Variants in CSNK1A1 observed in about 807,000 individuals in gnomAD.
CSNK1A1 encodes the protein casein kinase I isoform alpha.
CSNK1A1 carries 7 observed loss-of-function variants against 46.1 expected under a neutral mutation model. That is an observed-to-expected ratio of 0.15 (90% CI 0.09 to 0.29). The LOEUF is 0.29. Among genes scored for constraint, CSNK1A1 ranks in the 10% least tolerant of loss-of-function variants. CSNK1A1 has a pLI of 1.00. For missense variants in CSNK1A1, 96 were observed against 417.1 expected (o/e 0.23, Z 6.71); for synonymous variants, 137 against 141.5 (o/e 0.97, Z 0.23).
chr5:149,499,226 C>A (rs1760746871), intron 9 of CSNK1A1: 2 of 980,890 alleles, frequency 2.0e-6, no homozygotes, highest in Non-Finnish European at 2.4e-6. Flanking sequence ...CTCATCCAGG[C>A]TTCCAAGAGT....
chr5:149,502,950 G>A (rs1006486713), intron 9 of CSNK1A1: 11 of 667,604 alleles, frequency 1.6e-5, no homozygotes, highest in African/African-American at 2.0e-5. Context: ...TGTATTTTTT[G>A]TAGAGATGGG....
At chr5:149,516,471 AT>A (rs200508678) in intron 4 of CSNK1A1, among the ~76,000 whole-genome samples, 9,835 of 145,488 alleles carry the variant, frequency 0.068, 611 homozygotes, top group East Asian at 0.18. Context: ...TACTTGCAGC[AT>A]TTTTTTTTTT....
At chr5:149,537,144 G>C (rs562959772) in intron 2 of CSNK1A1, among the ~76,000 whole-genome samples, 7 of 152,304 alleles carry the variant, frequency 4.6e-5, no homozygotes, top group Middle Eastern at 3.4e-3. Flanking sequence ...GGGAGGCTGA[G>C]GCAGGTGGAT....
intron 9 of CSNK1A1, chr5:149,498,698 A>G (rs1760732071): frequency 1.0e-6 from 1 of 985,380 alleles, no homozygotes; most frequent in Non-Finnish European, 1.2e-6. Flanking sequence ...CACAACTACT[A>G]AAATTGCTGG....
chr5:149,545,468 G>A, intron 2 of CSNK1A1: 1 of 546,928 alleles, frequency 1.8e-6, no homozygotes, highest in Non-Finnish European at 3.3e-6. Flanking sequence ...CTGGGCCTTG[G>A]TTGATCCTTG....
chr5:149,535,123 C>T (rs1294109849), intron 2 of CSNK1A1, among the ~76,000 whole-genome samples: 2 of 152,190 alleles, frequency 1.3e-5, no homozygotes, highest in African/African-American at 4.8e-5. Context: ...CTTTAAGTCT[C>T]ATTTCTTTCC....
chr5:149,521,752 G>A (rs1263366439), intron 3 of CSNK1A1, among the ~76,000 whole-genome samples: 2 of 152,004 alleles, frequency 1.3e-5, no homozygotes, highest in Non-Finnish European at 2.9e-5. Context: ...GAGTAGTTGG[G>A]ATTACAGGCA....
chr5:149,502,876 C>G (rs541115606), intron 9 of CSNK1A1: 3 of 642,280 alleles, frequency 4.7e-6, no homozygotes, highest in Admixed American at 6.4e-5. Flanking sequence ...TCAAGCAATT[C>G]TCCTGCCTCA....
At chr5:149,534,783 T>G (rs943892646) in intron 2 of CSNK1A1, among the ~76,000 whole-genome samples, 1 of 151,414 alleles carries the variant, frequency 6.6e-6, no homozygotes, top group African/African-American at 2.4e-5. Flanking sequence ...AATAAAAAAT[T>G]AGCCAGGCGT....
intron 2 of CSNK1A1, among the ~76,000 whole-genome samples, chr5:149,538,867 A>G (rs1457076786): frequency 6.6e-6 from 1 of 151,992 alleles, no homozygotes; most frequent in Non-Finnish European, 1.5e-5. Context: ...TGTTGCGGTG[A>G]GCCGAGATTG....
chr5:149,528,430 C>T (rs1381084219), intron 2 of CSNK1A1, among the ~76,000 whole-genome samples: 1 of 152,190 alleles, frequency 6.6e-6, no homozygotes, highest in African/African-American at 2.4e-5. Context: ...GAATATATAG[C>T]TTAATTCTCT....
At chr5:149,549,531 G>A (rs1161600285) in intron 2 of CSNK1A1, 7 of 701,744 alleles carry the variant, frequency 1.0e-5, no homozygotes, top group South Asian at 4.4e-5. Context: ...AGGAATCAAG[G>A]AAGCATAATT....
At position 149,551,086 on chromosome 5, in the gene CSNK1A1, G is replaced by T; in HGVS notation, c.-122C>A. ...AGGGCGGCAGGAAACGGAACACGGA[G>T]GCCTTTACCGGGGTTCGGGGCCCAG... On this transcript the variant is annotated 5_prime_UTR_variant, in exon 1 of 10. Transcript: ENST00000377843. 9.4e-7 allele frequency: 1 copy of T among 1,068,858 alleles called. No homozygotes were observed. The highest frequency in any genetic ancestry group is 1.4e-6 in the Non-Finnish European group (1 of 735,418). The allele number at this position is 1,068,858 out of a possible 1,614,324, so 66.2% of individuals were successfully genotyped here. A position where few individuals can be genotyped will look rare whatever the true frequency, so the allele number is the denominator to read the frequency against.
intron 2 of CSNK1A1, among the ~76,000 whole-genome samples, chr5:149,537,637 G>C (rs1762100209): frequency 6.6e-6 from 1 of 151,322 alleles, no homozygotes; most frequent in African/African-American, 2.4e-5. Context: ...CCCCACTCCA[G>C]AATTGGTCAA....
At chr5:149,532,363 G>A (rs144765454) in intron 2 of CSNK1A1, among the ~76,000 whole-genome samples, 1,578 of 150,900 alleles carry the variant, frequency 0.01, 22 homozygotes, top group African/African-American at 0.036. Context: ...TCCAGCCTGG[G>A]CCACAGAGTG....
At chr5:149,543,538 G>A (rs1052771768) in intron 2 of CSNK1A1, among the ~76,000 whole-genome samples, 2 of 151,394 alleles carry the variant, frequency 1.3e-5, no homozygotes, top group African/African-American at 4.9e-5. Flanking sequence ...ATATCTTAAT[G>A]AAGACATATC....
intron 2 of CSNK1A1, among the ~76,000 whole-genome samples, chr5:149,540,702 G>A (rs1299837331): frequency 2.6e-5 from 4 of 151,938 alleles, no homozygotes; most frequent in African/African-American, 9.7e-5. Flanking sequence ...ACTTACCAAG[G>A]ATGAGCAATG....
At chr5:149,546,830 GTAAA>G (rs1215792968) in intron 2 of CSNK1A1, among the ~76,000 whole-genome samples, 1 of 152,100 alleles carries the variant, frequency 6.6e-6, no homozygotes, top group Non-Finnish European at 1.5e-5. Flanking sequence ...TACTTTCCGA[GTAAA>G]TATTTATTAA....
At chr5:149,505,405 C>T in intron 9 of CSNK1A1, 42 bp downstream of exon 9, 1 of 1,579,254 alleles carries the variant, frequency 6.3e-7, no homozygotes, top group South Asian at 1.2e-5. Context: ...ATTTTGTATT[C>T]AATTTTTTCC....
Sources: allele counts gnomAD v4.1 joint callset (sites outside exome capture counted in the v4.1 genomes callset), GRCh38; gene constraint gnomAD v4.1.1; transcripts MANE v1.5; gene names NCBI Gene and HGNC (gene_info 2026-07-23, HGNC 2026-07-21).